The following CLIC5 variants were observed in gnomAD, a reference collection of about 807,000 sequenced individuals.
CLIC5 encodes CLIC family member 5.
Under a neutral mutation model 24.7 loss-of-function variants are expected in CLIC5, and 20 were observed. That is an observed-to-expected ratio of 0.81 (90% CI 0.57 to 1.18). The LOEUF is 1.18. CLIC5 is among the 50% of genes most tolerant of loss of function. CLIC5 has a pLI of 0.00. For missense variants in CLIC5, 341 were observed against 326.1 expected, an observed-to-expected ratio of 1.05 and a Z score of -0.35; for synonymous variants, 159 against 135.6, an observed-to-expected ratio of 1.17 and a Z score of -1.20.
the CLIC5 span, among the ~76,000 whole-genome samples, chr6:46,091,755 A>G: frequency 6.6e-6 from 1 of 152,164 alleles, no homozygotes; most frequent in Non-Finnish European, 1.5e-5. Flanking sequence ...TTATCCATTC[A>G]TCTGTTGTTG....
chr6:46,014,483 T>G (rs1195523129), intron 1 of CLIC5: 1 of 152,210 alleles, frequency 6.6e-6, no homozygotes. Context: ...AGGGAAACTT[T>G]GCACTGAGAG....
intron 1 of CLIC5, among the ~76,000 whole-genome samples, chr6:46,062,017 A>T (rs1475114268): frequency 6.6e-6 from 1 of 152,210 alleles, no homozygotes; most frequent in Non-Finnish European, 1.5e-5. Context: ...CTTTTCCAAC[A>T]CAGTGGCCAT....
intron 1 of CLIC5, among the ~76,000 whole-genome samples, chr6:46,078,787 G>T (rs1329449725): frequency 6.6e-6 from 1 of 152,076 alleles, no homozygotes; most frequent in Non-Finnish European, 1.5e-5. Context: ...TTAGAGAAAA[G>T]AACAAATTAC....
upstream of CLIC5, chr6:46,080,382 A>G: frequency 1.5e-6 from 1 of 650,830 alleles, no homozygotes; most frequent in South Asian, 2.0e-5. Context: ...TATCAATGAC[A>G]GGTCTCTAAC....
At chr6:45,951,428 G>A (rs1466426012) in intron 2 of CLIC5, among the ~76,000 whole-genome samples, 1 of 152,172 alleles carries the variant, frequency 6.6e-6, no homozygotes, top group Non-Finnish European at 1.5e-5. Context: ...GGCGTGCACT[G>A]GGGAGCACAC....
chr6:45,987,091 G>A (rs982333863), intron 1 of CLIC5, among the ~76,000 whole-genome samples: 94 of 152,284 alleles, frequency 6.2e-4, no homozygotes, highest in African/African-American at 2.2e-3. Context: ...GCTGAGAATA[G>A]CAACATGAGT....
intron 2 of CLIC5, among the ~76,000 whole-genome samples, chr6:45,952,804 A>C (rs865917661): frequency 2.0e-5 from 3 of 152,268 alleles, no homozygotes; most frequent in South Asian, 2.1e-4. Flanking sequence ...TCTCTTCTCC[A>C]GCAAACATAC....
At chr6:46,114,471 A>C in the CLIC5 span, among the ~76,000 whole-genome samples, 1 of 152,130 alleles carries the variant, frequency 6.6e-6, no homozygotes, top group African/African-American at 2.4e-5. Context: ...CCTTATCAGC[A>C]TGTATCTAGC....
upstream of CLIC5, among the ~76,000 whole-genome samples, chr6:46,085,325 G>A (rs1204300): frequency 0.13 from 20,237 of 152,196 alleles, 1,839 homozygotes; most frequent in South Asian, 0.33. Context: ...GAGGAACTGC[G>A]TTCCTTTGGA....
At chr6:46,112,354 A>G in the CLIC5 span, among the ~76,000 whole-genome samples, 1 of 152,212 alleles carries the variant, frequency 6.6e-6, no homozygotes, top group Non-Finnish European at 1.5e-5. Context: ...TTCACCTGTG[A>G]GTTTTATTAT....
the CLIC5 span, among the ~76,000 whole-genome samples, chr6:46,127,065 A>G: frequency 6.6e-6 from 1 of 152,218 alleles, no homozygotes; most frequent in African/African-American, 2.4e-5. Flanking sequence ...TGCCCCATAG[A>G]GGCAAATGCT....
chr6:46,053,852 C>CT, intron 1 of CLIC5, among the ~76,000 whole-genome samples: 1 of 152,206 alleles, frequency 6.6e-6, no homozygotes, highest in African/African-American at 2.4e-5. Flanking sequence ...CTGAAGAGCC[C>CT]TGTAATTGAG....
At chr6:45,981,863 T>G (rs1765579278) in intron 1 of CLIC5, among the ~76,000 whole-genome samples, 1 of 152,112 alleles carries the variant, frequency 6.6e-6, no homozygotes, top group South Asian at 2.1e-4. Context: ...CCGGGCATGA[T>G]GGCAGGTGCC....
chr6:45,922,040 G>A (rs1763283629), intron 4 of CLIC5, among the ~76,000 whole-genome samples: 1 of 152,200 alleles, frequency 6.6e-6, no homozygotes, highest in Non-Finnish European at 1.5e-5. Flanking sequence ...TTATGAGAAA[G>A]CAAAATGCAA....
intron 1 of CLIC5, among the ~76,000 whole-genome samples, chr6:45,982,395 T>C (rs1321396410): frequency 1.3e-5 from 2 of 152,108 alleles, no homozygotes; most frequent in Non-Finnish European, 1.5e-5. Flanking sequence ...ACGAATTGCT[T>C]AATAATAGGG....
At chr6:46,073,704 A>T (rs917714070) in intron 1 of CLIC5, among the ~76,000 whole-genome samples, 6 of 152,196 alleles carry the variant, frequency 3.9e-5, no homozygotes, top group African/African-American at 1.4e-4. Flanking sequence ...ACTCTTAGTT[A>T]TTCAACTTCG....
At chr6:46,110,612 A>G in the CLIC5 span, among the ~76,000 whole-genome samples, 3 of 152,170 alleles carry the variant, frequency 2.0e-5, no homozygotes, top group Non-Finnish European at 4.4e-5. Context: ...GTTCTCTTAT[A>G]AGGTTTCTTT....
chr6:45,958,523 T>C (rs4429946), intron 1 of CLIC5, among the ~76,000 whole-genome samples: 114,214 of 134,264 alleles, frequency 0.85, 49,296 homozygotes, highest in Non-Finnish European at 0.9. Context: ...GCTTTGAACA[T>C]GATTGCCAGC....
chr6:45,987,823 T>A (rs1765795829), intron 1 of CLIC5, among the ~76,000 whole-genome samples: 1 of 152,218 alleles, frequency 6.6e-6, no homozygotes, highest in African/African-American at 2.4e-5. Context: ...TGACTTCATT[T>A]AACCTTAATT....
Sources: gnomAD v4.1 joint callset for allele counts (sites outside exome capture counted in the v4.1 genomes callset) on GRCh38, gnomAD v4.1.1 for gene constraint, MANE v1.5 for transcripts, NCBI Gene and HGNC (gene_info 2026-07-23, HGNC 2026-07-21) for gene names.